The following TLL2 variants were observed in gnomAD, a reference collection of about 807,000 sequenced individuals.
TLL2 encodes the protein tolloid-like protein 2.
In TLL2, 106 loss-of-function variants were observed where a neutral mutation model predicts 123.0. That is an observed-to-expected ratio of 0.86 (90% CI 0.74 to 1.01). The LOEUF (loss-of-function observed/expected upper bound fraction) is 1.01. Among genes scored for constraint, TLL2 ranks in the 50% least tolerant of loss-of-function variants. TLL2 has a pLI of 0.00. For missense variants in TLL2, 1,332 were observed against 1,336.7 expected (o/e 1.00, Z 0.06); for synonymous variants, 494 against 516.8 (o/e 0.96, Z 0.60).
intron 3 of TLL2, among the ~76,000 whole-genome samples, chr10:96,435,863 G>GTC (rs1564906889): frequency 1.3e-5 from 2 of 152,080 alleles, no homozygotes; most frequent in African/African-American, 4.8e-5. Flanking sequence ...TCTCTCTGAC[G>GTC]TCTTGTTTTC....
chr10:96,400,380 A>C (rs1008609707), intron 10 of TLL2, among the ~76,000 whole-genome samples: 5 of 134,618 alleles, frequency 3.7e-5, no homozygotes, highest in East Asian at 2.2e-4. Context: ...AAAAAAAAAA[A>C]CAAAACCTTC....
In TLL2 at chr10:96,378,962, C is replaced by T. The variant is rs1248335747; in HGVS notation, c.2320+5G>A. On this transcript the variant is annotated splice_donor_5th_base_variant and intron_variant, in intron 17 of 20. Transcript: ENST00000357947. ...CCCCCCCAACAACTGGAGGTCCAGC[C>T]TCACCCTCTTTGCAGTCATGCCCAT... is the stretch of plus-strand genomic sequence containing the variant. 1.2e-6 allele frequency: 2 copies of T among 1,613,934 alleles called. No individual in the cohort carries two copies. The highest frequency in any genetic ancestry group is 1.7e-6 in the Non-Finnish European group (2 of 1,179,918).
intron 7 of TLL2, among the ~76,000 whole-genome samples, chr10:96,416,328 A>G (rs953582292): frequency 8.5e-5 from 13 of 152,204 alleles, no homozygotes; most frequent in Middle Eastern, 3.2e-3. Flanking sequence ...CATAGAGGCC[A>G]TGTTCTTGCA....
At chr10:96,430,851 C>T (rs1385299584) in intron 4 of TLL2, among the ~76,000 whole-genome samples, 1 of 152,218 alleles carries the variant, frequency 6.6e-6, no homozygotes, top group Non-Finnish European at 1.5e-5. Context: ...CACTGCACTG[C>T]AGCCTGGGCA....
chr10:96,459,820 C>T (rs1214102707), intron 2 of TLL2, among the ~76,000 whole-genome samples: 1 of 146,068 alleles, frequency 6.8e-6, no homozygotes, highest in Non-Finnish European at 1.5e-5. Flanking sequence ...GGAGACATCA[C>T]AGACACAGGG....
chr10:96,400,690 G>C (rs1846384934), intron 10 of TLL2, among the ~76,000 whole-genome samples: 1 of 152,170 alleles, frequency 6.6e-6, no homozygotes, highest in South Asian at 2.1e-4. Flanking sequence ...CTATTTCAGG[G>C]AAAGAGGGAA....
intron 2 of TLL2, among the ~76,000 whole-genome samples, chr10:96,449,215 G>C (rs1429333258): frequency 6.6e-6 from 1 of 152,322 alleles, no homozygotes; most frequent in South Asian, 2.1e-4. Flanking sequence ...TTGTCTTGAG[G>C]AAGCAGAGAG....
chr10:96,457,339 C>A (rs1847027249), intron 2 of TLL2, among the ~76,000 whole-genome samples: 1 of 152,192 alleles, frequency 6.6e-6, no homozygotes, highest in South Asian at 2.1e-4. Flanking sequence ...CCGGAACTCA[C>A]CTGGCTGAAT....
At chr10:96,395,415 A>C in intron 12 of TLL2, 33 bp from the exon 13 acceptor site, 1 of 1,536,824 alleles carries the variant, frequency 6.5e-7, no homozygotes, top group Non-Finnish European at 8.7e-7. Context: ...GGTGGATGGC[A>C]GATGGTTCTG....
At chr10:96,392,171 G>A (rs985263516) in intron 13 of TLL2, among the ~76,000 whole-genome samples, 8 of 152,164 alleles carry the variant, frequency 5.3e-5, no homozygotes, top group African/African-American at 1.4e-4. Flanking sequence ...AGAAGGTGGC[G>A]TCTTCTAACC....
At chr10:96,481,464 A>C (rs1312908544) in intron 1 of TLL2, among the ~76,000 whole-genome samples, 1 of 152,230 alleles carries the variant, frequency 6.6e-6, no homozygotes, top group Non-Finnish European at 1.5e-5. Flanking sequence ...ACTGGAGCAC[A>C]GTCTCTTTAT....
chr10:96,395,155 C>T lies in TLL2; in HGVS notation c.1726+32G>A, dbSNP rs773105962. 7.0e-6 allele frequency: 11 copies of T among 1,565,740 alleles called. No homozygotes were observed. In the African/African-American group the frequency reaches 1.2e-4, roughly 17 times the overall value. On this transcript the variant is annotated intron_variant, in intron 13 of 20. Coordinates refer to ENST00000357947, the MANE Select transcript of TLL2 (RefSeq NM_012465.4). ...AGGGGGAGCAATATTTCTTCTTGTG[C>T]CTAAAAGTGGAAACAAACTGCTAAT...
chr10:96,378,875 G>T, intron 17 of TLL2, 92 bp downstream of exon 17: 1 of 1,525,166 alleles, frequency 6.6e-7, no homozygotes, highest in East Asian at 2.3e-5. Context: ...AGAGGTCCTC[G>T]CCGCACCTCC....
intron 6 of TLL2, among the ~76,000 whole-genome samples, chr10:96,422,205 ACT>A (rs1270740265): frequency 1.4e-5 from 2 of 145,740 alleles, no homozygotes; most frequent in South Asian, 2.2e-4. Flanking sequence ...AGCCAGGAGA[ACT>A]CTTTTTTTTT....
chr10:96,395,036 G>A (rs1307198853), intron 13 of TLL2, 151 bp downstream of exon 13: 7 of 762,638 alleles, frequency 9.2e-6, no homozygotes, highest in African/African-American at 1.8e-5. Context: ...TCTGCTGGGG[G>A]CTCACACCCA....
At chr10:96,375,291 GAGA>G (rs1325676140) in intron 18 of TLL2, 5 of 152,204 alleles carry the variant, frequency 3.3e-5, no homozygotes, top group African/African-American at 1.2e-4. Context: ...CAGCTTCCTT[GAGA>G]AGTATTCAAC....
intron 2 of TLL2, among the ~76,000 whole-genome samples, chr10:96,450,095 C>CT (rs141564236): frequency 0.012 from 1,792 of 151,514 alleles, 46 homozygotes; most frequent in African/African-American, 0.04. Context: ...ATGGCAGGTA[C>CT]TGAGTAAAAT....
chr10:96,509,071 C>A (rs1815960673), intron 1 of TLL2, among the ~76,000 whole-genome samples: 1 of 152,130 alleles, frequency 6.6e-6, no homozygotes, highest in African/African-American at 2.4e-5. Flanking sequence ...CATAGAGAGA[C>A]CACATGGAGA....
Position 96,370,060 on chromosome 10 carries a change from C to T in TLL2, c.2913+5G>A. ...TGCCCCGGCCCCAGCGTCTCCGGGA[C>T]TTACCCCAGAGCCACAGAAGCGGCC... On this transcript the variant is annotated splice_donor_5th_base_variant and intron_variant, in intron 20 of 20. Transcript: ENST00000357947. 6.3e-7 allele frequency: 1 copy of T among 1,578,242 alleles called. No homozygotes were observed.
Sources: allele counts gnomAD v4.1 joint callset (sites outside exome capture counted in the v4.1 genomes callset), GRCh38; gene constraint gnomAD v4.1.1; transcripts MANE v1.5; gene names NCBI Gene and HGNC (gene_info 2026-07-23, HGNC 2026-07-21).